Variants in EHBP1 observed in about 807,000 individuals in gnomAD.
EHBP1 encodes the protein EH domain binding protein 1, also known as EH domain-binding protein 1.
EHBP1 carries 55 observed loss-of-function variants against 144.0 expected under a neutral mutation model. That is an observed-to-expected ratio of 0.38 (90% confidence interval 0.31 to 0.48). The LOEUF is 0.48. EHBP1 is among the 20% of genes least tolerant of loss of function. The pLI is 0.98. For synonymous variants in EHBP1, 469 were observed against 472.7 expected (o/e 0.99, Z 0.10); for missense variants, 1,200 against 1,364.2 (o/e 0.88, Z 1.90).
At chr2:62,855,622 A>G (rs565474914) in intron 7 of EHBP1, among the ~76,000 whole-genome samples, 19 of 152,256 alleles carry the variant, frequency 1.2e-4, no homozygotes, top group African/African-American at 3.4e-4. Flanking sequence ...TCTGAGGCCC[A>G]TGAAAGCCCT....
chr2:62,906,681 A>G (rs1032826561), intron 10 of EHBP1, among the ~76,000 whole-genome samples: 1 of 152,198 alleles, frequency 6.6e-6, no homozygotes, highest in Non-Finnish European at 1.5e-5. Flanking sequence ...ACATCTTGCC[A>G]AGCTCTAGTA....
At chr2:63,041,106 T>C (rs1183808922) in intron 21 of EHBP1, among the ~76,000 whole-genome samples, 1 of 152,190 alleles carries the variant, frequency 6.6e-6, no homozygotes, top group African/African-American at 2.4e-5. Flanking sequence ...GCATAGAATA[T>C]TGATAACCAT....
chr2:62,768,222 A>G (rs1361228740), intron 4 of EHBP1, among the ~76,000 whole-genome samples: 1 of 152,240 alleles, frequency 6.6e-6, no homozygotes, highest in South Asian at 2.1e-4. Flanking sequence ...CAAAAGATCA[A>G]CAAATACAGA....
intron 10 of EHBP1, among the ~76,000 whole-genome samples, chr2:62,899,221 C>T (rs544694743): frequency 1.3e-5 from 2 of 152,202 alleles, no homozygotes; most frequent in South Asian, 4.2e-4. Flanking sequence ...GGGGTCTTCC[C>T]TAAATTCAGG....
chr2:62,772,466 A>AG (rs1192448230), intron 5 of EHBP1, among the ~76,000 whole-genome samples: 1 of 152,230 alleles, frequency 6.6e-6, no homozygotes, highest in Non-Finnish European at 1.5e-5. Flanking sequence ...CAAATAAGGG[A>AG]GTGGACATAG....
At chr2:62,870,734 A>ACAT (rs1484523172) in intron 9 of EHBP1, among the ~76,000 whole-genome samples, 14 of 136,626 alleles carry the variant, frequency 1.0e-4, no homozygotes, top group African/African-American at 3.2e-4. Context: ...AAAAAAAAAA[A>ACAT]ATACATATAT....
At chr2:62,740,872 G>C (rs549533141) in intron 2 of EHBP1, among the ~76,000 whole-genome samples, 7 of 151,980 alleles carry the variant, frequency 4.6e-5, no homozygotes, top group Admixed American at 4.6e-4. Context: ...GGATAAATTT[G>C]GTCTCAGCAC....
intron 5 of EHBP1, among the ~76,000 whole-genome samples, chr2:62,779,066 A>C (rs59748565): frequency 0.012 from 1,783 of 152,314 alleles, 31 homozygotes; most frequent in African/African-American, 0.041. Context: ...ACCACATCGC[A>C]AACATTAGCA....
chr2:62,725,355 G>T (rs996663057), intron 2 of EHBP1, among the ~76,000 whole-genome samples: 1 of 152,192 alleles, frequency 6.6e-6, no homozygotes, highest in Non-Finnish European at 1.5e-5. Context: ...AGTGGGTCCC[G>T]GGGTGCCTGC....
intron 10 of EHBP1, among the ~76,000 whole-genome samples, chr2:62,901,964 CAAA>C: frequency 9.2e-6 from 1 of 109,074 alleles, no homozygotes. Flanking sequence ...AACGCTGTCT[CAAA>C]AAAAAAAAAA....
At chr2:62,913,057 GT>G (rs2054347120) in intron 10 of EHBP1, among the ~76,000 whole-genome samples, 1 of 152,086 alleles carries the variant, frequency 6.6e-6, no homozygotes, top group Admixed American at 6.6e-5. Context: ...GGCAAACGAT[GT>G]CTGCATTCTC....
chr2:62,936,000 C>G (rs536319111), intron 10 of EHBP1, among the ~76,000 whole-genome samples: 2 of 152,250 alleles, frequency 1.3e-5, no homozygotes, highest in East Asian at 3.9e-4. Flanking sequence ...CTAATTTGTT[C>G]AAGACGTGTT....
chr2:62,820,581 A>G (rs552232404), intron 5 of EHBP1, among the ~76,000 whole-genome samples: 32 of 151,396 alleles, frequency 2.1e-4, no homozygotes, highest in Non-Finnish European at 3.8e-4. Flanking sequence ...TATTCCTCAT[A>G]TAAGTAGAAT....
rs1260288536 is a variant in EHBP1, at chr2:62,767,856, C to G, written c.259-3483C>G. Among the ~76,000 whole-genome samples the G allele has an allele frequency of 2.1e-5, 3 of 140,860 alleles. No homozygotes were observed. In the South Asian group the frequency reaches 6.6e-4, roughly 31 times the overall value. The allele number at this position is 140,860 out of a possible 152,430, so 92.4% of individuals were successfully genotyped here. Reference sequence around the variant, plus strand: ...GTCAAAAAAAAAAAAAAAAAAAAGTCAAGACTAAGAAAATCACTCAAAACC... The same window carrying G: ...GTCAAAAAAAAAAAAAAAAAAAAGTGAAGACTAAGAAAATCACTCAAAACC... On this transcript the variant is annotated intron_variant, in intron 4 of 22. Coordinates refer to ENST00000431489, the MANE Select transcript of EHBP1 (RefSeq NM_001142616.3).
upstream of EHBP1, among the ~76,000 whole-genome samples, chr2:62,703,127 AGCCTG>A (rs1265569416): frequency 6.6e-6 from 1 of 152,174 alleles, no homozygotes; most frequent in Non-Finnish European, 1.5e-5. Flanking sequence ...TCAGGAGTTC[AGCCTG>A]GGCAACGTGG....
intron 1 of EHBP1, among the ~76,000 whole-genome samples, chr2:62,679,347 G>A (rs751879686): frequency 6.6e-6 from 1 of 152,160 alleles, no homozygotes; most frequent in Non-Finnish European, 1.5e-5. Flanking sequence ...AAGCCAAGAG[G>A]ACATTAACCT....
intron 1 of EHBP1, among the ~76,000 whole-genome samples, chr2:62,694,394 T>G (rs1472022289): frequency 5.3e-5 from 8 of 152,160 alleles, no homozygotes; most frequent in Admixed American, 2.0e-4. Flanking sequence ...GACATCATTC[T>G]GCCTTCATGT....
intron 2 of EHBP1, among the ~76,000 whole-genome samples, chr2:62,736,948 G>C (rs994210495): frequency 6.6e-6 from 1 of 152,160 alleles, no homozygotes; most frequent in Non-Finnish European, 1.5e-5. Flanking sequence ...AGGAACTGCT[G>C]TAGTAGGCCT....
intron 7 of EHBP1, among the ~76,000 whole-genome samples, chr2:62,849,890 A>G (rs1376880213): frequency 6.6e-6 from 1 of 152,224 alleles, no homozygotes; most frequent in African/African-American, 2.4e-5. Flanking sequence ...TGGAAATTCA[A>G]GTCTGGCACT....
Sources: allele counts gnomAD v4.1 joint callset (sites outside exome capture counted in the v4.1 genomes callset), GRCh38; gene constraint gnomAD v4.1.1; transcripts MANE v1.5; gene names NCBI Gene and HGNC (gene_info 2026-07-23, HGNC 2026-07-21).